Variants in ARHGAP21 observed in about 807,000 individuals in gnomAD.
ARHGAP21 encodes the protein Rho GTPase activating protein 21, also known as rho GTPase-activating protein 21.
In ARHGAP21, 38 loss-of-function variants were observed where a neutral mutation model predicts 164.6. The ratio of observed to expected loss-of-function variants is 0.23; its 90% confidence interval spans 0.18 to 0.30. The LOEUF (loss-of-function observed/expected upper bound fraction) is 0.30, where lower values mean the gene tolerates loss of function less well. Ranked by LOEUF, ARHGAP21 falls within the 10% of genes least tolerant of loss-of-function variation. ARHGAP21 has a pLI of 1.00. For synonymous variants in ARHGAP21, 766 were observed against 857.9 expected (o/e 0.89, Z 1.87); for missense variants, 1,822 against 2,370.7 (o/e 0.77, Z 4.81).
At chr10:24,623,536 G>A (rs891505175) in intron 7 of ARHGAP21, among the ~76,000 whole-genome samples, 1 of 152,178 alleles carries the variant, frequency 6.6e-6, no homozygotes. Flanking sequence ...TTTTGGGTGT[G>A]TGCATTGACA....
In ARHGAP21 at chr10:24,589,423, T is replaced by C. The variant is rs186866784; in HGVS notation, c.4151-121A>G. 1.6e-4 allele frequency: 128 copies of C among 798,994 alleles called. 1 individual carries two copies. Among genetic ancestry groups the C allele is most frequent in the Middle Eastern group, 3.5e-4 (1 of 2,878 alleles). The allele number at this position is 798,994 out of a possible 1,614,324, so 49.5% of individuals were successfully genotyped here. On this transcript the variant is annotated intron_variant, in intron 24 of 25. Coordinates refer to ENST00000396432, the MANE Select transcript of ARHGAP21 (RefSeq NM_020824.4). ...AATGTGAAAGCAAAACTCAAAACAATAGAACACAGTGGATAGTCAGAGCTC... is the reference window on the plus strand; with the variant it reads ...AATGTGAAAGCAAAACTCAAAACAACAGAACACAGTGGATAGTCAGAGCTC...
Position 24,620,713 on chromosome 10 carries a change from C to G in ARHGAP21, c.1182G>C (p.Glu394Asp). Residue 394 changes from glutamate to aspartate, a missense_variant, in exon 9 of 26, where the codon GAG becomes GAC. Transcript: ENST00000396432. ...TGTGCAATCGTCTGTTATCAATATA[C>G]TCTTTGTAAGTTTTATAGTTTTTCC... ...IDWKNYKTYK[E>D]YIDNRRLHIG... 1.2e-6 allele frequency: 2 copies of G among 1,614,200 alleles called. No individual in the cohort carries two copies. Among genetic ancestry groups the G allele is most frequent in the Non-Finnish European group, 1.7e-6 (2 of 1,180,038 alleles).
At chr10:24,645,084 G>A (rs1384134355) in intron 4 of ARHGAP21, among the ~76,000 whole-genome samples, 1 of 152,038 alleles carries the variant, frequency 6.6e-6, no homozygotes, top group Non-Finnish European at 1.5e-5. Context: ...AAAACATAAT[G>A]CTCCACAAGG....
chr10:24,670,104 C>T (rs1840561855), intron 3 of ARHGAP21, 114 bp downstream of exon 3: 1 of 619,028 alleles, frequency 1.6e-6, no homozygotes, highest in Non-Finnish European at 2.5e-6. Flanking sequence ...AAATGTAATG[C>T]TTGATTCTTT....
chr10:24,634,846 G>GCA (rs1313768847), intron 5 of ARHGAP21, among the ~76,000 whole-genome samples, 165 bp downstream of exon 5: 4 of 151,994 alleles, frequency 2.6e-5, no homozygotes, highest in African/African-American at 7.3e-5. Flanking sequence ...ATTCATATGG[G>GCA]CACCAAGAAA....
intron 4 of ARHGAP21, among the ~76,000 whole-genome samples, chr10:24,640,593 T>C (rs1293730843): frequency 1.3e-5 from 2 of 151,698 alleles, no homozygotes; most frequent in African/African-American, 4.8e-5. Flanking sequence ...ACTAAAGAGG[T>C]TTATCACATA....
intron 14 of ARHGAP21, among the ~76,000 whole-genome samples, chr10:24,599,101 T>C (rs1323251321): frequency 6.6e-6 from 1 of 152,244 alleles, no homozygotes; most frequent in African/African-American, 2.4e-5. Flanking sequence ...ATGGTGATGC[T>C]AATAGCTCAC....
At chr10:24,719,484 G>A (rs1845716868) in intron 2 of ARHGAP21, among the ~76,000 whole-genome samples, 1 of 152,146 alleles carries the variant, frequency 6.6e-6, no homozygotes, top group Non-Finnish European at 1.5e-5. Flanking sequence ...ATGAAACAGA[G>A]ACTCCTGTTA....
rs146620471 is a variant in ARHGAP21 at position 24,675,147 on chromosome 10, C to G, written c.64-4750G>C. On this transcript the variant is annotated intron_variant, in intron 2 of 25. Coordinates refer to ENST00000396432, the MANE Select transcript of ARHGAP21 (RefSeq NM_020824.4). ...ATGTGCATAGCAACTTTATTATAGCCACAAACTGGAAAACAACTGAAATAT... is the reference window on the plus strand; with the variant it reads ...ATGTGCATAGCAACTTTATTATAGCGACAAACTGGAAAACAACTGAAATAT... 1.5e-3 allele frequency among the ~76,000 whole-genome samples: 231 copies of G among 152,270 alleles called. 5 individuals are homozygous for G. The East Asian group carries it at 0.038, about 25-fold the overall frequency.
At chr10:24,676,445 A>G (rs565137631) in intron 2 of ARHGAP21, among the ~76,000 whole-genome samples, 2 of 152,348 alleles carry the variant, frequency 1.3e-5, no homozygotes, top group South Asian at 2.1e-4. Context: ...GGTTCAGAAC[A>G]TAGGCTCGCA....
intron 2 of ARHGAP21, among the ~76,000 whole-genome samples, chr10:24,690,524 A>G (rs1842666811): frequency 6.6e-6 from 1 of 152,114 alleles, no homozygotes; most frequent in Non-Finnish European, 1.5e-5. Flanking sequence ...AGTGCCCCAT[A>G]ATATAAATAA....
At chr10:24,640,365 A>C (rs1836878770) in intron 4 of ARHGAP21, 1 of 151,772 alleles carries the variant, frequency 6.6e-6, no homozygotes, top group East Asian at 1.9e-4. Context: ...CTTCTCTCTC[A>C]GAGTTCCCAA....
intron 2 of ARHGAP21, among the ~76,000 whole-genome samples, chr10:24,687,990 A>T (rs796219543): frequency 2.6e-5 from 4 of 152,260 alleles, no homozygotes; most frequent in Admixed American, 6.5e-5. Flanking sequence ...CAGTAATACT[A>T]TATCAGCAAC....
At position 24,702,631 on chromosome 10, in the gene ARHGAP21, G is replaced by A. The variant is rs571925012; in HGVS notation, c.63+19206C>T. Reference sequence around the variant, plus strand: ...AGACAAGGTCTTGCTCTGTCACCCAGGCTGGAGTGCAGTGGCAGAATCTCG... The same window carrying A: ...AGACAAGGTCTTGCTCTGTCACCCAAGCTGGAGTGCAGTGGCAGAATCTCG... On this transcript the variant is annotated intron_variant, in intron 2 of 25. Coordinates refer to ENST00000396432, the MANE Select transcript of ARHGAP21 (RefSeq NM_020824.4). Among the ~76,000 whole-genome samples, 11 of 151,824 alleles carry A rather than the reference G, an allele frequency of 7.2e-5. 1 individual carries two copies. In the East Asian group the frequency reaches 2.1e-3, roughly 30 times the overall value.
chr10:24,691,968 A>T lies in ARHGAP21; in HGVS notation c.64-21571T>A, dbSNP rs142897914. On this transcript the variant is annotated intron_variant, in intron 2 of 25. Transcript: ENST00000396432. ...AAAAATAGAAATCCAATATACCATA[A>T]ATTTTACTAAAAATGTGTAAGCTAG... is the stretch of plus-strand genomic sequence containing the variant. Among the ~76,000 whole-genome samples, 317 of 152,366 alleles carry T rather than the reference A, an allele frequency of 2.1e-3. 3 individuals carry two copies. The highest frequency in any genetic ancestry group is 7.4e-3 in the African/African-American group (309 of 41,588).
chr10:24,624,453 C>T (rs1035414309), intron 7 of ARHGAP21, among the ~76,000 whole-genome samples: 3 of 145,814 alleles, frequency 2.1e-5, no homozygotes, highest in Non-Finnish European at 4.5e-5. Context: ...AATTCTCCTG[C>T]CTCAGCCTCC....
Position 24,607,539 on chromosome 10 carries a change from A to G in ARHGAP21, c.2644T>C (p.Tyr882His). The G allele has an allele frequency of 6.2e-7, 1 of 1,613,900 alleles. No individual in the cohort carries two copies. Among genetic ancestry groups the G allele is most frequent in the Non-Finnish European group, 8.5e-7 (1 of 1,180,004 alleles). The change falls in exon 11 of 26, where the codon TAT becomes CAT. Residue 882 changes from tyrosine (Y) to histidine (H), a missense_variant. This residue lies in a region of ARHGAP21 where 1,090 missense variants were observed against 1,378.9 expected (regional missense o/e 0.79). Coordinates refer to ENST00000396432, the MANE Select transcript of ARHGAP21 (RefSeq NM_020824.4). ...CTGTAATCATCCAGACCCTCATCATATGATTTTGATCTTTCTGTCTTTGAG... is the reference window on the plus strand; with the variant it reads ...CTGTAATCATCCAGACCCTCATCATGTGATTTTGATCTTTCTGTCTTTGAG... ...PNSKTERSKS[Y>H]DEGLDDYRED...
chr10:24,700,501 A>G (rs907894502), intron 2 of ARHGAP21, among the ~76,000 whole-genome samples: 4 of 152,246 alleles, frequency 2.6e-5, no homozygotes, highest in African/African-American at 4.8e-5. Flanking sequence ...GATTAAAATA[A>G]TAAGAATTAA....
chr10:24,723,673 CCCGCCGCCGCCGCCG>C lies in ARHGAP21; in HGVS notation c.-507_-493del, dbSNP rs558378115. The C allele has an allele frequency of 1.4e-5, 2 of 147,728 alleles. No homozygotes were observed. The highest frequency in any genetic ancestry group is 2.5e-5 in the African/African-American group (1 of 40,432). 9.2% of individuals were successfully genotyped at this position (147,728 alleles called of 1,614,324 possible). ...CCCGCAGCCGGACGATCCCGCGCTGCCCGCCGCCGCCGCCGCCGCCGCCGCCGCGCTCCGAGGCCG... is the reference window on the plus strand; with the variant it reads ...CCCGCAGCCGGACGATCCCGCGCTGCCCGCCGCCGCCGCGCTCCGAGGCCG... On this transcript the variant is annotated 5_prime_UTR_variant, in exon 1 of 26. Transcript: ENST00000396432.
Sources: gnomAD v4.1 joint callset for allele counts (sites outside exome capture counted in the v4.1 genomes callset) on GRCh38, gnomAD v4.1.1 for gene constraint, gnomAD v4.1.1 regional missense constraint, MANE v1.5 for transcripts, NCBI Gene and HGNC (gene_info 2026-07-23, HGNC 2026-07-21) for gene names.